Variants in APP observed in about 807,000 individuals in gnomAD.
The protein encoded by APP is amyloid-beta precursor protein.
In APP, 31 loss-of-function variants were observed where a neutral mutation model predicts 101.4. The ratio of observed to expected loss-of-function variants is 0.31; its 90% CI spans 0.23 to 0.41. The LOEUF (loss-of-function observed/expected upper bound fraction) is 0.41. APP is among the 10% of genes least tolerant of loss of function. APP has a pLI of 1.00. For missense variants in APP, 839 were observed against 1,003.7 expected, an observed-to-expected ratio of 0.84 and a Z score of 2.22; for synonymous variants, 366 against 364.4, an observed-to-expected ratio of 1.00 and a Z score of -0.05.
At chr21:25,959,631 T>C (rs1232998422) in intron 11 of APP, among the ~76,000 whole-genome samples, 1 of 152,236 alleles carries the variant, frequency 6.6e-6, no homozygotes, top group Non-Finnish European at 1.5e-5. Flanking sequence ...ATTACTGTCC[T>C]AGGTTTCTGG....
chr21:26,162,120 A>G (rs2063503934), intron 1 of APP, among the ~76,000 whole-genome samples: 1 of 152,214 alleles, frequency 6.6e-6, no homozygotes, highest in Admixed American at 6.5e-5. Context: ...TGAGCCCAGG[A>G]GTTCAAGATC....
chr21:25,998,824 T>C (rs1177037001), intron 7 of APP, among the ~76,000 whole-genome samples: 2 of 150,352 alleles, frequency 1.3e-5, no homozygotes, highest in African/African-American at 2.5e-5. Context: ...ATAAGCACAA[T>C]TGGGAATTTC....
chr21:25,984,428 C>A (rs1328194103), intron 8 of APP, among the ~76,000 whole-genome samples: 1 of 151,722 alleles, frequency 6.6e-6, no homozygotes, highest in South Asian at 2.1e-4. Context: ...TAAAAAAGGC[C>A]GAAAGTATCA....
Position 26,021,834 on chromosome 21 carries a change from G to C in APP, c.865+6C>G, listed in dbSNP as rs774726111. 2 of 1,612,822 alleles carry C rather than the reference G, an allele frequency of 1.2e-6. No individual in the cohort carries two copies. The highest frequency in any genetic ancestry group is 1.7e-6 in the Non-Finnish European group (2 of 1,179,962). ...GTGGGGGGAATCCAAGCAAATGGTGGATTACCTCGAACCACCTCTTCCACA... is the reference window on the plus strand; with the variant it reads ...GTGGGGGGAATCCAAGCAAATGGTGCATTACCTCGAACCACCTCTTCCACA... On this transcript the variant is annotated splice_donor_region_variant and intron_variant, in intron 6 of 17. Transcript: ENST00000346798.
intron 13 of APP, among the ~76,000 whole-genome samples, chr21:25,953,445 C>T (rs919775784): frequency 6.6e-6 from 1 of 152,186 alleles, no homozygotes; most frequent in African/African-American, 2.4e-5. Flanking sequence ...AGCGGTGTTT[C>T]AGGCACTTCA....
At chr21:26,053,210 A>G in intron 4 of APP, 26 bp downstream of exon 4, 9 of 1,545,320 alleles carry the variant, frequency 5.8e-6, no homozygotes, top group Non-Finnish European at 8.1e-6. Flanking sequence ...TCACTTTGCA[A>G]TAAGAAAGAA....
intron 11 of APP, among the ~76,000 whole-genome samples, chr21:25,972,124 T>C (rs2042053539): frequency 6.6e-6 from 1 of 152,208 alleles, no homozygotes; most frequent in South Asian, 2.1e-4. Context: ...ATATAATAAC[T>C]GTATTCCATA....
At chr21:25,913,347 C>T (rs1476966572) in intron 13 of APP, among the ~76,000 whole-genome samples, 1 of 152,190 alleles carries the variant, frequency 6.6e-6, no homozygotes, top group Non-Finnish European at 1.5e-5. Flanking sequence ...TATCCCTATT[C>T]ACTGTGGCAC....
At position 25,881,612 on chromosome 21, in the gene APP, G is replaced by C. The variant is rs1471820634; in HGVS notation, c.*58C>G. ...CCACATTATTCTATAAATGGACACC[G>C]ATGGGTAGTGAAGCAATGGTTTTGC... On this transcript the variant is annotated 3_prime_UTR_variant, in exon 18 of 18. Coordinates refer to ENST00000346798, the MANE Select transcript of APP (RefSeq NM_000484.4). 2 of 1,536,258 alleles carry C rather than the reference G, an allele frequency of 1.3e-6. No homozygotes were observed. The highest frequency in any genetic ancestry group is 1.7e-5 in the Admixed American group (1 of 59,890).
intron 2 of APP, among the ~76,000 whole-genome samples, chr21:26,111,325 AAC>A (rs754804674): frequency 1.3e-3 from 194 of 152,324 alleles, no homozygotes; most frequent in Non-Finnish European, 2.3e-3. Context: ...ATAGAATACA[AAC>A]AGATACAAAT....
At chr21:26,084,230 T>G (rs932999790) in intron 3 of APP, among the ~76,000 whole-genome samples, 2 of 55,998 alleles carry the variant, frequency 3.6e-5, no homozygotes, top group Non-Finnish European at 8.8e-5. Flanking sequence ...GGGCTCCATT[T>G]TTTTTTTTTT....
chr21:26,157,175 T>C (rs1233051518), intron 1 of APP, among the ~76,000 whole-genome samples: 3 of 152,048 alleles, frequency 2.0e-5, no homozygotes, highest in African/African-American at 7.2e-5. Flanking sequence ...GTTCAAGGGA[T>C]TCTCCTGTCT....
At chr21:26,153,806 CTTTAAG>C (rs1054831096) in intron 1 of APP, among the ~76,000 whole-genome samples, 2 of 152,164 alleles carry the variant, frequency 1.3e-5, no homozygotes, top group African/African-American at 4.8e-5. Context: ...AACAGGAAAA[CTTTAAG>C]TTTAATTAAA....
intron 8 of APP, among the ~76,000 whole-genome samples, chr21:25,992,068 T>C (rs570357912): frequency 1.5e-4 from 23 of 152,226 alleles, no homozygotes; most frequent in Non-Finnish European, 3.1e-4. Flanking sequence ...AGAAACTTTG[T>C]TTCATGAACA....
intron 13 of APP, among the ~76,000 whole-genome samples, chr21:25,954,165 G>A (rs2041210234): frequency 6.6e-6 from 1 of 152,174 alleles, no homozygotes. Context: ...AGGCCAGTAA[G>A]TTACTCAAAT....
At chr21:25,948,583 A>G (rs2040933015) in intron 13 of APP, among the ~76,000 whole-genome samples, 1 of 152,214 alleles carries the variant, frequency 6.6e-6, no homozygotes, top group Non-Finnish European at 1.5e-5. Flanking sequence ...TAGAAGAAAA[A>G]AAATGGGTAT....
intron 4 of APP, 32 bp downstream of exon 4, chr21:26,053,204 T>G (rs201137906): frequency 6.6e-7 from 1 of 1,507,216 alleles, no homozygotes; most frequent in South Asian, 1.1e-5. Context: ...AAATCTTCAC[T>G]TTGCAATAAG....
At chr21:25,931,432 A>ATAG (rs2040143467) in intron 13 of APP, among the ~76,000 whole-genome samples, 1 of 152,256 alleles carries the variant, frequency 6.6e-6, no homozygotes, top group African/African-American at 2.4e-5. Context: ...ACACTGACCT[A>ATAG]TACCATGAGT....
rs45603536 is a variant in APP at position 26,146,720 on chromosome 21, A to C, written c.57+23844T>G. ...CACTATTCTCTCTTGTGTATGTTTAATTCTTTTCATAATAAGTTTTCAAAA... is the reference window on the plus strand; with the variant it reads ...CACTATTCTCTCTTGTGTATGTTTACTTCTTTTCATAATAAGTTTTCAAAA... On this transcript the variant is annotated intron_variant, in intron 1 of 17. Coordinates refer to ENST00000346798, the MANE Select transcript of APP (RefSeq NM_000484.4). 5.1e-4 allele frequency among the ~76,000 whole-genome samples: 77 copies of C among 152,284 alleles called. No individual in the cohort carries two copies. The East Asian group carries it at 0.014, about 27-fold the overall frequency.
Sources: allele counts gnomAD v4.1 joint callset (sites outside exome capture counted in the v4.1 genomes callset), GRCh38; gene constraint gnomAD v4.1.1; transcripts MANE v1.5; gene names NCBI Gene and HGNC (gene_info 2026-07-23, HGNC 2026-07-21).